The following MYOZ1 variants were observed in gnomAD, a reference collection of about 807,000 sequenced individuals.
The protein encoded by MYOZ1 is myozenin-1.
Under a neutral mutation model 28.7 loss-of-function variants are expected in MYOZ1, and 20 were observed. That is an observed-to-expected ratio of 0.70 (90% CI 0.49 to 1.01). The LOEUF is 1.01. Among genes scored for constraint, MYOZ1 ranks in the 50% least tolerant of loss-of-function variants. MYOZ1 has a pLI of 0.00. For synonymous variants in MYOZ1, 144 were observed against 145.8 expected (o/e 0.99, Z 0.09); for missense variants, 371 against 372.4 (o/e 1.00, Z 0.03).
rs1343315452 is a variant in MYOZ1, at chr10:73,632,128, G to A, written c.702C>T (p.Ala234=). The A allele has an allele frequency of 5.0e-6, 8 of 1,614,170 alleles. No homozygotes were observed. Among genetic ancestry groups the A allele is most frequent in the East Asian group, 2.2e-5 (1 of 44,884 alleles). The change falls in exon 6 of 6, where the codon GCC becomes GCT. Residue 234 remains alanine (A), a synonymous_variant. Transcript: ENST00000359322. ...GCATCTGGAAGGTCATGCGTTTGGA[G>A]GCCTTCTCATATCCACCATAGGGCA... is the stretch of plus-strand genomic sequence containing the variant. ...TAMPYGGYEK[A]SKRMTFQMPK...
Position 73,639,950 on chromosome 10 carries a change from G to A in MYOZ1, c.68C>T (p.Thr23Ile). 6.2e-7 allele frequency: 1 copy of A among 1,613,956 alleles called. No homozygotes were observed. Among genetic ancestry groups the A allele is most frequent in the Non-Finnish European group, 8.5e-7 (1 of 1,179,894 alleles). Residue 23 changes from threonine to isoleucine, a missense_variant, in exon 2 of 6, where the codon ACT (threonine) becomes ATT (isoleucine). Physicochemically the swap from Thr to Ile is moderately conservative, Grantham distance 89. Transcript: ENST00000359322. Reference protein sequence around the residue: ...RKSSKLIMELTGGGQESSGLN... With the variant: ...RKSSKLIMELIGGGQESSGLN... ...GAGATGCAAACATGTCCTACCTCCAGTGAGTTCCATGATCAGCTTGCTGGA... is the reference window on the plus strand; with the variant it reads ...GAGATGCAAACATGTCCTACCTCCAATGAGTTCCATGATCAGCTTGCTGGA...
chr10:73,633,331 A>G (rs1212681778), intron 5 of MYOZ1, among the ~76,000 whole-genome samples: 1 of 152,208 alleles, frequency 6.6e-6, no homozygotes, highest in South Asian at 2.1e-4. Flanking sequence ...AGAAAAAAGT[A>G]TAAGGAAATA....
chr10:73,639,929 T>C lies in MYOZ1; in HGVS notation c.73+16A>G, dbSNP rs2081693156. The C allele has an allele frequency of 1.2e-6, 2 of 1,613,050 alleles. No homozygotes were observed. Among genetic ancestry groups the C allele is most frequent in the African/African-American group, 1.3e-5 (1 of 74,904 alleles). ...CTTAAGAAGTCCCACACTAGGGAGA[T>C]GCAAACATGTCCTACCTCCAGTGAG... On this transcript the variant is annotated intron_variant, in intron 2 of 5. Coordinates refer to ENST00000359322, the MANE Select transcript of MYOZ1 (RefSeq NM_021245.4).
In MYOZ1 at chr10:73,631,714, A is replaced by G. The variant is rs1014966196; in HGVS notation, c.*216T>C. ...GGCAGAGCAAATTCCATAAACGAGC[A>G]GGTTCCATATGGAGCAAGTAGAAGG... On this transcript the variant is annotated 3_prime_UTR_variant, in exon 6 of 6. Coordinates refer to ENST00000359322, the MANE Select transcript of MYOZ1 (RefSeq NM_021245.4). 9 of 529,592 alleles carry G rather than the reference A, an allele frequency of 1.7e-5. No homozygotes were observed. The highest frequency in any genetic ancestry group is 1.0e-5 in the Non-Finnish European group (3 of 294,496). 32.8% of individuals were successfully genotyped at this position (529,592 alleles called of 1,614,324 possible).
intron 3 of MYOZ1, among the ~76,000 whole-genome samples, chr10:73,635,440 G>A (rs2081662285): frequency 6.6e-6 from 1 of 151,914 alleles, no homozygotes; most frequent in Admixed American, 6.6e-5. Flanking sequence ...GGAGTGCAGT[G>A]ACACAATCTC....
At chr10:73,632,234 T>C in intron 5 of MYOZ1, 73 bp from the exon 6 acceptor site, 3 of 1,318,936 alleles carry the variant, frequency 2.3e-6, no homozygotes, top group Non-Finnish European at 3.2e-6. Context: ...GATGCTACCC[T>C]CTTTGAGAAT....
chr10:73,637,816 G>T lies in MYOZ1; in HGVS notation c.180C>A (p.Phe60Leu). ...TCTCCACCCTCATCTGCCGCAGTTT[G>T]AACATCTTGGAGCCCCGGTTGGTAA... is the stretch of plus-strand genomic sequence containing the variant. ...SLLTNRGSKM[F>L]KLRQMRVEKF... Residue 60 changes from phenylalanine (F) to leucine (L), a missense_variant, in exon 3 of 6, where the codon TTC (phenylalanine) becomes TTA (leucine). Transcript: ENST00000359322. The T allele has an allele frequency of 6.2e-7, 1 of 1,614,096 alleles. No individual in the cohort carries two copies. The highest frequency in any genetic ancestry group is 8.5e-7 in the Non-Finnish European group (1 of 1,180,024).
chr10:73,632,203 A>G, intron 5 of MYOZ1, 42 bp from the exon 6 acceptor site: 3 of 1,555,906 alleles, frequency 1.9e-6, no homozygotes, highest in Non-Finnish European at 2.7e-6. Flanking sequence ...TCAGAATAAA[A>G]GAAACAGAGC....
intron 2 of MYOZ1, among the ~76,000 whole-genome samples, chr10:73,639,719 T>C (rs145827510): frequency 3.9e-5 from 6 of 152,288 alleles, no homozygotes; most frequent in Non-Finnish European, 7.4e-5. Flanking sequence ...GCAGGTAACA[T>C]GGCAGGGTAT....
At chr10:73,635,084 C>T (rs571053662) in intron 3 of MYOZ1, among the ~76,000 whole-genome samples, 4 of 152,050 alleles carry the variant, frequency 2.6e-5, no homozygotes, top group African/African-American at 4.8e-5. Context: ...CCATCACACC[C>T]GGCTAATTTG....
At position 73,632,017 on chromosome 10, in the gene MYOZ1, G is replaced by C. The variant is rs375583471; in HGVS notation, c.813C>G (p.Thr271=). The C allele has an allele frequency of 9.9e-6, 16 of 1,614,120 alleles. No homozygotes were observed. The Admixed American group carries it at 1.2e-4, about 12-fold the overall frequency. The change falls in exon 6 of 6, where the codon ACC becomes ACG. Residue 271 remains threonine, a synonymous_variant. Transcript: ENST00000359322. ...NLSNRPSFNR[T]PIPWLSSGEP... is the part of the protein sequence containing the mutation. ...CCCCAGAGCTCAGCCAGGGAATAGGGGTTCGATTGAAAGAAGGCCTGTTGG... is the reference window on the plus strand; with the variant it reads ...CCCCAGAGCTCAGCCAGGGAATAGGCGTTCGATTGAAAGAAGGCCTGTTGG...
At chr10:73,636,492 C>G (rs948358773) in intron 3 of MYOZ1, among the ~76,000 whole-genome samples, 12 of 151,998 alleles carry the variant, frequency 7.9e-5, no homozygotes, top group Admixed American at 1.3e-4. Flanking sequence ...TCTCTGTCAC[C>G]CAGGCTGGAG....
At chr10:73,634,414 C>T (rs2081654233) in intron 4 of MYOZ1, 70 bp downstream of exon 4, 7 of 1,582,252 alleles carry the variant, frequency 4.4e-6, no homozygotes, top group Non-Finnish European at 5.2e-6. Flanking sequence ...CCACACTCAG[C>T]GTAGACATCA....
chr10:73,638,032 G>T, intron 2 of MYOZ1, 110 bp from the exon 3 acceptor site: 1 of 957,006 alleles, frequency 1.0e-6, no homozygotes, highest in Non-Finnish European at 1.6e-6. Flanking sequence ...TCCTGGCAGA[G>T]GTCATTTAGG....
intron 5 of MYOZ1, among the ~76,000 whole-genome samples, chr10:73,632,858 G>T (rs1017772265): frequency 6.6e-6 from 1 of 151,686 alleles, no homozygotes; most frequent in Non-Finnish European, 1.5e-5. Flanking sequence ...GCCTGGCTAA[G>T]AGTAATTATT....
intron 5 of MYOZ1, 151 bp from the exon 6 acceptor site, chr10:73,632,312 T>G: frequency 1.4e-6 from 1 of 728,382 alleles, no homozygotes. Context: ...CATCCCATTT[T>G]GCCTTCCTGG....
At chr10:73,632,226 T>C (rs1330121613) in intron 5 of MYOZ1, 65 bp from the exon 6 acceptor site, 1 of 1,403,648 alleles carries the variant, frequency 7.1e-7, no homozygotes, top group East Asian at 2.3e-5. Flanking sequence ...TATCATGAGA[T>C]GCTACCCTCT....
chr10:73,633,776 G>C, intron 5 of MYOZ1, 124 bp downstream of exon 5: 2 of 1,052,774 alleles, frequency 1.9e-6, no homozygotes, highest in Non-Finnish European at 2.7e-6. Flanking sequence ...CTTTGATTAG[G>C]ACCCCCATAT....
intron 3 of MYOZ1, among the ~76,000 whole-genome samples, chr10:73,635,708 G>T (rs2081663784): frequency 6.6e-6 from 1 of 152,156 alleles, no homozygotes; most frequent in South Asian, 2.1e-4. Context: ...GGATGGGGTT[G>T]CCATGGAGCA....
Sources: allele counts gnomAD v4.1 joint callset (sites outside exome capture counted in the v4.1 genomes callset), GRCh38; gene constraint gnomAD v4.1.1; transcripts MANE v1.5; gene names NCBI Gene and HGNC (gene_info 2026-07-23, HGNC 2026-07-21).